Variants in PAX5 observed in about 807,000 individuals in gnomAD.
PAX5 encodes the protein paired box 5.
Under a neutral mutation model 43.7 loss-of-function variants are expected in PAX5, and 9 were observed. That is an observed-to-expected ratio of 0.21 (90% confidence interval 0.12 to 0.36). PAX5 has a LOEUF of 0.36. Among genes scored for constraint, PAX5 ranks in the 10% least tolerant of loss-of-function variants. The probability of loss-of-function intolerance (pLI) is 1.00; values close to 1 mark genes in which losing one functional copy is unlikely to be tolerated. For synonymous variants in PAX5, 228 were observed against 214.3 expected (o/e 1.06, Z -0.56); for missense variants, 383 against 532.7 (o/e 0.72, Z 2.77).
At chr9:37,026,735 T>G in intron 1 of PAX5, 1 of 985,322 alleles carries the variant, frequency 1.0e-6, no homozygotes, top group Non-Finnish European at 1.2e-6. Context: ...GCCTCCCTGC[T>G]GGAGACCGCC....
intron 7 of PAX5, among the ~76,000 whole-genome samples, chr9:36,895,177 C>T (rs995122017): frequency 3.9e-5 from 6 of 152,194 alleles, no homozygotes; most frequent in South Asian, 2.1e-4. Context: ...ATGCGGAAGA[C>T]GAGAGGCGCA....
At chr9:36,931,576 C>T (rs925253676) in intron 6 of PAX5, among the ~76,000 whole-genome samples, 2 of 152,080 alleles carry the variant, frequency 1.3e-5, no homozygotes, top group South Asian at 2.1e-4. Flanking sequence ...TGGCCAGGCG[C>T]GGTGGCTCAC....
intron 5 of PAX5, among the ~76,000 whole-genome samples, chr9:36,970,407 G>A (rs1222286730): frequency 6.6e-6 from 1 of 152,154 alleles, no homozygotes; most frequent in African/African-American, 2.4e-5. Flanking sequence ...AGGCTGGGAG[G>A]GATTGAGCCA....
intron 1 of PAX5, among the ~76,000 whole-genome samples, chr9:37,028,170 G>A (rs1255849966): frequency 1.3e-5 from 2 of 152,254 alleles, no homozygotes; most frequent in African/African-American, 2.4e-5. Context: ...TAGGGATCCT[G>A]TACCATCAGG....
intron 6 of PAX5, among the ~76,000 whole-genome samples, chr9:36,955,017 AT>A (rs1340972910): frequency 6.6e-6 from 1 of 150,660 alleles, no homozygotes; most frequent in Non-Finnish European, 1.5e-5. Flanking sequence ...CATCAGTTGA[AT>A]TTTTAATTAA....
intron 9 of PAX5, among the ~76,000 whole-genome samples, chr9:36,842,439 G>A (rs190957394): frequency 6.0e-4 from 91 of 152,152 alleles, no homozygotes; most frequent in Middle Eastern, 3.4e-3. Flanking sequence ...GACCCTCCAA[G>A]CCCTCAACCC....
chr9:36,850,329 G>T (rs547923255), intron 8 of PAX5, among the ~76,000 whole-genome samples: 11 of 152,358 alleles, frequency 7.2e-5, no homozygotes, highest in African/African-American at 2.6e-4. Flanking sequence ...CCCTCCAGGT[G>T]GCTGTGGCCA....
chr9:36,924,236 T>C (rs1299178073), intron 6 of PAX5, among the ~76,000 whole-genome samples: 1 of 152,212 alleles, frequency 6.6e-6, no homozygotes, highest in African/African-American at 2.4e-5. Flanking sequence ...CTCCTTTCTT[T>C]AAGCCATTTC....
intron 7 of PAX5, among the ~76,000 whole-genome samples, chr9:36,917,101 G>A (rs946558342): frequency 1.3e-5 from 2 of 152,134 alleles, no homozygotes; most frequent in Non-Finnish European, 2.9e-5. Context: ...GGCCTGGGAT[G>A]TTTATATTTT....
intron 6 of PAX5, among the ~76,000 whole-genome samples, chr9:36,938,080 G>A (rs1363887375): frequency 6.6e-6 from 1 of 152,164 alleles, no homozygotes; most frequent in Non-Finnish European, 1.5e-5. Flanking sequence ...CCAAATTTTA[G>A]CTAATGTCAA....
intron 6 of PAX5, among the ~76,000 whole-genome samples, chr9:36,950,335 T>C (rs7875962): frequency 0.58 from 88,829 of 152,116 alleles, 26,081 homozygotes; most frequent in East Asian, 0.78. Context: ...GCCAAGACAT[T>C]GGGAAAGAAT....
chr9:36,872,589 G>T (rs1825584706), intron 8 of PAX5, among the ~76,000 whole-genome samples: 1 of 152,168 alleles, frequency 6.6e-6, no homozygotes, highest in Admixed American at 6.5e-5. Flanking sequence ...CATGTCCCCA[G>T]AGTCCTTTCC....
At chr9:36,901,408 G>T (rs891736655) in intron 7 of PAX5, among the ~76,000 whole-genome samples, 3 of 152,032 alleles carry the variant, frequency 2.0e-5, no homozygotes, top group Non-Finnish European at 4.4e-5. Context: ...CCCCCGTTGT[G>T]CACCTGTGAC....
chr9:37,006,341 A>G, intron 4 of PAX5, 132 bp downstream of exon 4: 1 of 594,886 alleles, frequency 1.7e-6, no homozygotes, highest in East Asian at 2.7e-5. Flanking sequence ...TTGGAGAATG[A>G]CAAAGAAGGC....
chr9:36,900,216 G>A (rs925917430), intron 7 of PAX5, among the ~76,000 whole-genome samples: 4 of 152,130 alleles, frequency 2.6e-5, no homozygotes, highest in African/African-American at 9.7e-5. Flanking sequence ...CATATTTTTG[G>A]GTCCCCCAAG....
At chr9:37,030,177 C>G (rs1840840890) in intron 1 of PAX5, among the ~76,000 whole-genome samples, 2 of 152,178 alleles carry the variant, frequency 1.3e-5, no homozygotes, top group African/African-American at 4.8e-5. Flanking sequence ...ACCTGTGCAC[C>G]CAGAGCAGCC....
At chr9:36,845,621 G>A (rs993768550) in intron 9 of PAX5, among the ~76,000 whole-genome samples, 3 of 152,154 alleles carry the variant, frequency 2.0e-5, no homozygotes, top group African/African-American at 7.2e-5. Flanking sequence ...AGTCATGCAT[G>A]ACACACCAAA....
At chr9:36,910,549 G>A (rs1018635009) in intron 7 of PAX5, among the ~76,000 whole-genome samples, 12 of 152,082 alleles carry the variant, frequency 7.9e-5, no homozygotes, top group African/African-American at 2.7e-4. Context: ...AAGCACCTTT[G>A]GGCTGGACCT....
At position 36,923,552 on chromosome 9, in the gene PAX5, C is replaced by T. The variant is rs1267052350; in HGVS notation, c.781-68G>A. The stretch of plus-strand genomic sequence containing the variant: ...GTACCTTAGTCAAATGCCAACTCCA[C>T]GTTCTGAGCTCAGCCACCAAGCTGA... On this transcript the variant is annotated intron_variant, in intron 6 of 9. Transcript: ENST00000358127. The T allele has an allele frequency of 1.5e-5, 23 of 1,534,584 alleles. No individual in the cohort carries two copies. The East Asian group carries it at 2.5e-4, about 17-fold the overall frequency.
Sources: gnomAD v4.1 joint callset for allele counts (sites outside exome capture counted in the v4.1 genomes callset) on GRCh38, gnomAD v4.1.1 for gene constraint, MANE v1.5 for transcripts, NCBI Gene and HGNC (gene_info 2026-07-23, HGNC 2026-07-21) for gene names.